Variants in CRMP1 observed in about 807,000 individuals in gnomAD.
CRMP1 encodes the protein collapsin response mediator protein 1.
In CRMP1, 19 loss-of-function variants were observed where a neutral mutation model predicts 68.3. That is an observed-to-expected ratio of 0.28 (90% CI 0.19 to 0.41). The LOEUF (loss-of-function observed/expected upper bound fraction) is 0.41. Ranked by LOEUF, CRMP1 falls within the 10% of genes least tolerant of loss-of-function variation. The probability of loss-of-function intolerance (pLI) is 1.00; values close to 1 mark genes in which losing one functional copy is unlikely to be tolerated. For synonymous variants in CRMP1, 439 were observed against 399.6 expected (o/e 1.10, Z -1.18); for missense variants, 791 against 967.4 (o/e 0.82, Z 2.42).
intron 6 of CRMP1, among the ~76,000 whole-genome samples, chr4:5,844,772 G>C (rs1456654445): frequency 6.6e-6 from 1 of 152,178 alleles, no homozygotes; most frequent in Non-Finnish European, 1.5e-5. Flanking sequence ...GTGCGTGCAC[G>C]CTGGGAAACT....
Position 5,877,089 on chromosome 4 carries a change from T to G in CRMP1, c.382-10333A>C, listed in dbSNP as rs1262323822. 2.0e-5 allele frequency among the ~76,000 whole-genome samples: 3 copies of G among 152,044 alleles called. No individual in the cohort carries two copies. Among genetic ancestry groups the G allele is most frequent in the African/African-American group, 7.2e-5 (3 of 41,390 alleles). On this transcript the variant is annotated intron_variant, in intron 1 of 13. Transcript: ENST00000324989. This position sits in a 1 kb window ranked among gnomAD's most constrained non-coding sequence, Gnocchi z 4.3. ...GTTCAGCTTTCCCTGACAGTCCACCTCCTGCCATGAAAACCACAGGACCCA... is the reference window on the plus strand; with the variant it reads ...GTTCAGCTTTCCCTGACAGTCCACCGCCTGCCATGAAAACCACAGGACCCA...
Position 5,825,220 on chromosome 4 carries a change from T to A in CRMP1, c.1969+274A>T. 1.0e-6 allele frequency: 1 copy of A among 985,316 alleles called. No homozygotes were observed. The highest frequency in any genetic ancestry group is 5.2e-4 in the Middle Eastern group (1 of 1,912). The allele number at this position is 985,316 out of a possible 1,614,324, so 61.0% of individuals were successfully genotyped here. ...GTGTGAAAGTGTCCCCAAATGTGTG[T>A]AAGGATGAGCACTGGGACAATTTTG... On this transcript the variant is annotated intron_variant, in intron 13 of 13. Transcript: ENST00000324989. This position sits in a 1 kb window ranked among gnomAD's most constrained non-coding sequence, Gnocchi z 4.4.
In CRMP1 at chr4:5,849,397, C is replaced by T; in HGVS notation, c.958G>A (p.Ala320Thr). Residue 320 changes from alanine (A) to threonine (T), a missense_variant, in exon 6 of 14, where the codon GCT becomes ACT. This residue lies in a region of CRMP1 where 594 missense variants were observed against 763.6 expected (regional missense o/e 0.78). Transcript: ENST00000324989. The part of the protein sequence containing the change: ...LVHAENGDLI[A>T]QEQKRILEMG... ...TGGAAATTCTTGCCACTCACCTGAG[C>T]TATCAAATCTCCATTTTCTGCATGG... The T allele has an allele frequency of 1.9e-6, 3 of 1,613,380 alleles. No individual in the cohort carries two copies. Among genetic ancestry groups the T allele is most frequent in the Non-Finnish European group, 1.7e-6 (2 of 1,179,432 alleles).
Position 5,852,880 on chromosome 4 carries a change from G to A in CRMP1, c.821-1411C>T, listed in dbSNP as rs1037195528. On this transcript the variant is annotated intron_variant, in intron 4 of 13. Coordinates refer to ENST00000324989, the MANE Select transcript of CRMP1 (RefSeq NM_001014809.3). ...ACAGCTCAGCACGAACAGGAGAATC[G>A]CTAGGAAAAGGCAGGGAGACTGTTC... Among the ~76,000 whole-genome samples, 49 of 152,258 alleles carry A rather than the reference G, an allele frequency of 3.2e-4. 1 individual carries two copies. The highest frequency in any genetic ancestry group is 6.8e-3 in the Middle Eastern group (2 of 294).
At chr4:5,839,773 G>T in intron 8 of CRMP1, 95 bp from the exon 9 acceptor site, 1 of 1,388,580 alleles carries the variant, frequency 7.2e-7, no homozygotes, top group South Asian at 1.4e-5. Flanking sequence ...AGGGAGAACG[G>T]GGCTGGCTGA....
chr4:5,824,789 CAA>C (rs57100914), intron 13 of CRMP1: 33,538 of 985,242 alleles, frequency 0.034, 1,842 homozygotes, highest in African/African-American at 0.23. Context: ...TGCAACGCCT[CAA>C]AGAGTTTGCA....
intron 8 of CRMP1, among the ~76,000 whole-genome samples, chr4:5,840,920 G>A (rs1406322473): frequency 6.6e-6 from 1 of 152,116 alleles, no homozygotes; most frequent in East Asian, 1.9e-4. Context: ...AGCCGCATGT[G>A]GCCACCAATA....
At chr4:5,849,559 C>T (rs1289553056) in intron 5 of CRMP1, 87 bp from the exon 6 acceptor site, 4 of 870,050 alleles carry the variant, frequency 4.6e-6, no homozygotes, top group African/African-American at 1.7e-5. Context: ...GTTCCGATCA[C>T]ACCCATTCGG....
In CRMP1 at chr4:5,888,563, G is replaced by T; in HGVS notation, c.381+4026C>A. The T allele has an allele frequency of 1.8e-6, 2 of 1,124,548 alleles. No individual in the cohort carries two copies. The highest frequency in any genetic ancestry group is 2.2e-6 in the Non-Finnish European group (2 of 919,436). The allele number at this position is 1,124,548 out of a possible 1,614,324, so 69.7% of individuals were successfully genotyped here. ...ACAGCTCCTCCCGGCGGCGCGGAGC[G>T]AAGCCGGATTCGCCCCTCTCGGCTC... On this transcript the variant is annotated intron_variant, in intron 1 of 13. Transcript: ENST00000324989. The surrounding 1 kb of genome is among the most constrained non-coding windows in gnomAD (Gnocchi z 6.4).
intron 12 of CRMP1, among the ~76,000 whole-genome samples, chr4:5,827,733 G>GCACACACACA (rs141887967): frequency 0.01 from 1,386 of 138,324 alleles, 25 homozygotes; most frequent in African/African-American, 0.038. Context: ...ATGTGCGCGT[G>GCACACACACA]CACACACACA....
chr4:5,888,768 CG>C lies in CRMP1; in HGVS notation c.381+3820del, dbSNP rs1477810950. 4.6e-5 allele frequency among the ~76,000 whole-genome samples: 7 copies of C among 151,882 alleles called. No homozygotes were observed. In the East Asian group the frequency reaches 1.4e-3, roughly 30 times the overall value. ...AAAAAGACGGCGCGGTCAGGGCCCG[CG>C]GGCGGCGCCACAGGTGTGTGGCCGC... On this transcript the variant is annotated intron_variant, in intron 1 of 13. Transcript: ENST00000324989. This position sits in a 1 kb window ranked among gnomAD's most constrained non-coding sequence, Gnocchi z 6.4.
At chr4:5,824,913 A>G in intron 13 of CRMP1, 1 of 985,462 alleles carries the variant, frequency 1.0e-6, no homozygotes, top group South Asian at 4.7e-5. Context: ...AGGAGGGATC[A>G]GGTCAACATC....
Position 5,856,021 on chromosome 4 carries a change from A to G in CRMP1, c.820+122T>C, listed in dbSNP as rs534634074. The G allele has an allele frequency of 3.6e-5, 40 of 1,118,468 alleles. No individual in the cohort carries two copies. The African/African-American group carries it at 6.1e-4, about 17-fold the overall frequency. 69.3% of individuals were successfully genotyped at this position (1,118,468 alleles called of 1,614,324 possible). A position where few individuals can be genotyped will look rare whatever the true frequency, so the allele number is the denominator to read the frequency against. On this transcript the variant is annotated intron_variant, in intron 4 of 13. Coordinates refer to ENST00000324989, the MANE Select transcript of CRMP1 (RefSeq NM_001014809.3). ...CTGTTTCCTCACTGTCACGTGGCAG[A>G]GTGCAGCTCATAATCAGGCTCAGAA...
chr4:5,827,402 T>G (rs1463835104), intron 12 of CRMP1, among the ~76,000 whole-genome samples: 1 of 152,200 alleles, frequency 6.6e-6, no homozygotes, highest in Non-Finnish European at 1.5e-5. Flanking sequence ...CTGTGCGACT[T>G]GGTGTCTTTG....
chr4:5,836,661 A>G (rs1488022291), intron 10 of CRMP1, 104 bp downstream of exon 10: 1 of 1,549,832 alleles, frequency 6.5e-7, no homozygotes, highest in Non-Finnish European at 8.9e-7. Flanking sequence ...TTCCGCCTCC[A>G]TGTAAGAAGG....
In CRMP1 at chr4:5,843,083, G is replaced by T. The variant is rs771536875; in HGVS notation, c.1032+10C>A. On this transcript the variant is annotated intron_variant, in intron 7 of 13. Transcript: ENST00000324989. The surrounding 1 kb of genome is among the most constrained non-coding windows in gnomAD (Gnocchi z 4.1). The stretch of plus-strand genomic sequence containing the variant: ...GTGTCAGAGTCATGCCCAAGTTGAG[G>T]AGTCCTTACCTCTTCAGGTCTGCTC... 5 of 1,613,440 alleles carry T rather than the reference G, an allele frequency of 3.1e-6. No individual in the cohort carries two copies. The highest frequency in any genetic ancestry group is 4.2e-6 in the Non-Finnish European group (5 of 1,179,670).
rs956228980 is a variant in CRMP1 at position 5,859,667 on chromosome 4, A to C, written c.655+1359T>G. On this transcript the variant is annotated intron_variant, in intron 3 of 13. Coordinates refer to ENST00000324989, the MANE Select transcript of CRMP1 (RefSeq NM_001014809.3). The surrounding 1 kb of genome is among the most constrained non-coding windows in gnomAD (Gnocchi z 5.2). ...TTCAAACCCTGGCCACTGGGATCCA[A>C]GTCCAAGTCTAGATCCTCCCATTTC... Among the ~76,000 whole-genome samples the C allele has an allele frequency of 6.6e-6, 1 of 152,182 alleles. No homozygotes were observed. Among genetic ancestry groups the C allele is most frequent in the Admixed American group, 6.5e-5 (1 of 15,286 alleles).
chr4:5,866,684 C>T lies in CRMP1; in HGVS notation c.454G>A (p.Glu152Lys). ...DQSLYADVYL[E>K]DGLIKQIGEN... is the part of the protein sequence containing the mutation. Reference sequence around the variant, plus strand: ...TCAACCCACTTGATAAGTCCATCCTCCAGGTAGACGTCAGCATAAAGGGAT... The same window carrying T: ...TCAACCCACTTGATAAGTCCATCCTTCAGGTAGACGTCAGCATAAAGGGAT... The change falls in exon 2 of 14, where the codon GAG (glutamate) becomes AAG (lysine). Residue 152 changes from glutamate (E) to lysine (K), a missense_variant. Glu to Lys is a moderately conservative substitution (Grantham distance 56). Transcript: ENST00000324989. This position sits in a 1 kb window ranked among gnomAD's most constrained non-coding sequence, Gnocchi z 5.9. The T allele has an allele frequency of 1.9e-6, 3 of 1,612,588 alleles. No individual in the cohort carries two copies. The highest frequency in any genetic ancestry group is 2.5e-6 in the Non-Finnish European group (3 of 1,179,698).
In CRMP1 at chr4:5,891,305, G is replaced by A. The variant is rs1339128270; in HGVS notation, c.381+1284C>T. Reference sequence around the variant, plus strand: ...GCCCGCCCGCGAAGGGATGGGGCCCGAAGAGGCCCACCACCGTGTTTACCA... The same window carrying A: ...GCCCGCCCGCGAAGGGATGGGGCCCAAAGAGGCCCACCACCGTGTTTACCA... On this transcript the variant is annotated intron_variant, in intron 1 of 13. Transcript: ENST00000324989. This position sits in a 1 kb window ranked among gnomAD's most constrained non-coding sequence, Gnocchi z 5.2. 6.6e-6 allele frequency among the ~76,000 whole-genome samples: 1 copy of A among 151,892 alleles called. No homozygotes were observed. The highest frequency in any genetic ancestry group is 1.5e-5 in the Non-Finnish European group (1 of 67,988).
Sources: gnomAD v4.1 joint callset for allele counts (sites outside exome capture counted in the v4.1 genomes callset) on GRCh38, gnomAD v4.1.1 for gene constraint, gnomAD v4.1.1 regional missense constraint, Gnocchi (gnomAD v3.1) non-coding constraint, MANE v1.5 for transcripts, NCBI Gene and HGNC (gene_info 2026-07-23, HGNC 2026-07-21) for gene names.